The following MARCHF1 variants were observed in gnomAD, a reference collection of about 807,000 sequenced individuals.
MARCHF1 encodes the protein membrane associated ring-CH-type finger 1, also known as E3 ubiquitin-protein ligase MARCHF1.
A neutral mutation model predicts 54.2 loss-of-function variants in MARCHF1; 40 were observed. The observed-to-expected ratio is 0.74, with a 90% CI of 0.57 to 0.96. The LOEUF (loss-of-function observed/expected upper bound fraction) is 0.96, where lower values mean the gene tolerates loss of function less well. MARCHF1 is among the 40% of genes least tolerant of loss of function. The pLI is 0.00. For missense variants in MARCHF1, 586 were observed against 656.5 expected (o/e 0.89, Z 1.17); for synonymous variants, 236 against 236.3 (o/e 1.00, Z 0.01).
At chr4:164,220,747 C>A (rs928784862) in intron 1 of MARCHF1, among the ~76,000 whole-genome samples, 7 of 142,226 alleles carry the variant, frequency 4.9e-5, no homozygotes, top group South Asian at 2.2e-4. Flanking sequence ...AATATATATG[C>A]TATATATGTA....
At chr4:163,676,925 AC>A (rs1743939123) in intron 5 of MARCHF1, among the ~76,000 whole-genome samples, 1 of 152,120 alleles carries the variant, frequency 6.6e-6, no homozygotes, top group African/African-American at 2.4e-5. Context: ...AATATTAACC[AC>A]AAAAAAGCCA....
chr4:164,171,961 G>A (rs1730536260), intron 1 of MARCHF1, among the ~76,000 whole-genome samples: 1 of 152,098 alleles, frequency 6.6e-6, no homozygotes. Context: ...GTATAGTTGA[G>A]CGCTGTCCTT....
chr4:163,884,142 T>C (rs150354141), intron 3 of MARCHF1, among the ~76,000 whole-genome samples: 2,936 of 152,232 alleles, frequency 0.019, 38 homozygotes, highest in Non-Finnish European at 0.024. Context: ...AAACCATCAG[T>C]GGCGTAGCTC....
At chr4:163,999,749 T>C (rs1370166387) in intron 2 of MARCHF1, among the ~76,000 whole-genome samples, 3 of 151,686 alleles carry the variant, frequency 2.0e-5, no homozygotes, top group Admixed American at 1.3e-4. Context: ...GCATTCTACA[T>C]ATATATGTAC....
At chr4:164,371,637 G>T (rs2110958659) in intron 1 of MARCHF1, among the ~76,000 whole-genome samples, 1 of 152,274 alleles carries the variant, frequency 6.6e-6, no homozygotes, top group South Asian at 2.1e-4. Flanking sequence ...TACATGAAAA[G>T]ATGCTCAATA....
At chr4:163,774,495 T>A (rs1466733999) in intron 4 of MARCHF1, among the ~76,000 whole-genome samples, 1 of 128,104 alleles carries the variant, frequency 7.8e-6, no homozygotes, top group East Asian at 2.5e-4. Context: ...TGCACTCAAG[T>A]GTTAGGCTTT....
chr4:163,790,099 T>C (rs971746707), intron 4 of MARCHF1, among the ~76,000 whole-genome samples: 1 of 152,110 alleles, frequency 6.6e-6, no homozygotes, highest in African/African-American at 2.4e-5. Context: ...TAGATTTCTT[T>C]GTAGCACTTG....
At chr4:163,775,224 A>G (rs1463412302) in intron 4 of MARCHF1, among the ~76,000 whole-genome samples, 1 of 152,162 alleles carries the variant, frequency 6.6e-6, no homozygotes, top group Non-Finnish European at 1.5e-5. Context: ...TTCCACAGAT[A>G]TTAGCATGCT....
At chr4:163,793,884 G>C (rs769700003) in intron 4 of MARCHF1, among the ~76,000 whole-genome samples, 1 of 152,126 alleles carries the variant, frequency 6.6e-6, no homozygotes, top group Admixed American at 6.6e-5. Flanking sequence ...GACAGGAATT[G>C]CTCACTCAGG....
chr4:163,820,356 C>T (rs1047129265), intron 4 of MARCHF1, among the ~76,000 whole-genome samples: 3 of 151,978 alleles, frequency 2.0e-5, no homozygotes, highest in Admixed American at 2.0e-4. Flanking sequence ...TGTTCTCTGC[C>T]TATTGTAAAG....
chr4:163,883,238 T>G (rs1354333230), intron 3 of MARCHF1, among the ~76,000 whole-genome samples: 3 of 92,426 alleles, frequency 3.2e-5, no homozygotes, highest in African/African-American at 1.1e-4. Context: ...TATGTGTATA[T>G]GTGTGTGTAT....
intron 2 of MARCHF1, among the ~76,000 whole-genome samples, chr4:164,065,056 ATTTTGCTGAG>A (rs1364280097): frequency 6.6e-6 from 1 of 152,044 alleles, no homozygotes; most frequent in African/African-American, 2.4e-5. Flanking sequence ...GTTTGCCAGT[ATTTTGCTGAG>A]TATTTTTGCA....
intron 4 of MARCHF1, among the ~76,000 whole-genome samples, chr4:163,730,085 TTTTC>T (rs1397179018): frequency 5.9e-5 from 9 of 152,288 alleles, no homozygotes; most frequent in Admixed American, 3.3e-4. Context: ...TTCTTCAATA[TTTTC>T]TTTCTGTTTT....
At chr4:163,705,867 C>G (rs986576197) in intron 4 of MARCHF1, among the ~76,000 whole-genome samples, 7 of 151,866 alleles carry the variant, frequency 4.6e-5, no homozygotes, top group Admixed American at 2.6e-4. Context: ...GAAAAAGAAG[C>G]AATACAACAC....
At chr4:163,707,526 CTCA>C (rs1175690940) in intron 4 of MARCHF1, among the ~76,000 whole-genome samples, 1 of 151,918 alleles carries the variant, frequency 6.6e-6, no homozygotes. Flanking sequence ...TCACTTTTTA[CTCA>C]TCATGCTGAA....
At chr4:164,122,601 AC>A (rs1015638079) in intron 1 of MARCHF1, among the ~76,000 whole-genome samples, 5 of 151,936 alleles carry the variant, frequency 3.3e-5, no homozygotes, top group East Asian at 2.0e-4. Context: ...AAACCTGACT[AC>A]AAAACCTGTC....
chr4:164,081,286 T>A (rs1489042517), intron 2 of MARCHF1, among the ~76,000 whole-genome samples: 1 of 148,390 alleles, frequency 6.7e-6, no homozygotes, highest in African/African-American at 2.5e-5. Context: ...TGTTCATGAG[T>A]TCATGATTCA....
rs575575281 is a variant in MARCHF1 at position 163,728,055 on chromosome 4, C to T, written c.112-27192G>A. On this transcript the variant is annotated intron_variant, in intron 4 of 9. Transcript: ENST00000514618. ...ATTTATGTGAATCTACTTCTGGGCTCTCTGTTCTGTTTCATTGATTTATTT... is the reference window on the plus strand; with the variant it reads ...ATTTATGTGAATCTACTTCTGGGCTTTCTGTTCTGTTTCATTGATTTATTT... 1.1e-3 allele frequency among the ~76,000 whole-genome samples: 165 copies of T among 152,116 alleles called. 4 individuals are homozygous for T. The South Asian group carries it at 0.014, about 13-fold the overall frequency.
chr4:164,119,098 T>C (rs533383693), intron 1 of MARCHF1, among the ~76,000 whole-genome samples: 9 of 151,602 alleles, frequency 5.9e-5, no homozygotes, highest in South Asian at 2.1e-4. Context: ...TAAGTGAGAA[T>C]TGACTACACA....
Sources: gnomAD v4.1 joint callset for allele counts (sites outside exome capture counted in the v4.1 genomes callset) on GRCh38, gnomAD v4.1.1 for gene constraint, MANE v1.5 for transcripts, NCBI Gene and HGNC (gene_info 2026-07-23, HGNC 2026-07-21) for gene names.